The following CAMTA1 variants were observed in gnomAD, a reference collection of about 807,000 sequenced individuals.
CAMTA1 encodes calmodulin binding transcription activator 1, also known as calmodulin-binding transcription activator 1.
A neutral mutation model predicts 170.9 loss-of-function variants in CAMTA1; 27 were observed. The ratio of observed to expected loss-of-function variants is 0.16; its 90% CI spans 0.12 to 0.22. The LOEUF (loss-of-function observed/expected upper bound fraction) is 0.22, where lower values mean the gene tolerates loss of function less well. CAMTA1 is among the 10% of genes least tolerant of loss of function. The pLI is 1.00. For missense variants in CAMTA1, 1,619 were observed against 2,217.2 expected, an observed-to-expected ratio of 0.73 and a Z score of 5.42; for synonymous variants, 833 against 891.5, an observed-to-expected ratio of 0.93 and a Z score of 1.17.
chr1:7,533,630 C>T (rs1020839217), intron 6 of CAMTA1, among the ~76,000 whole-genome samples: 3 of 151,946 alleles, frequency 2.0e-5, no homozygotes, highest in Admixed American at 2.0e-4. Flanking sequence ...TAGAAAACGT[C>T]GGCCGGGCAC....
chr1:7,089,551 ATCCCATCCCATCCC>A (rs1641205837), intron 3 of CAMTA1, among the ~76,000 whole-genome samples: 1 of 129,994 alleles, frequency 7.7e-6, no homozygotes, highest in African/African-American at 2.7e-5. Flanking sequence ...ATCCCATCCC[ATCCCATCCCATCCC>A]ATCCCATCCC....
chr1:7,596,363 C>G (rs2095399792), intron 6 of CAMTA1, among the ~76,000 whole-genome samples: 1 of 152,264 alleles, frequency 6.6e-6, no homozygotes, highest in South Asian at 2.1e-4. Flanking sequence ...AACAAGGGAT[C>G]AGCTCAGAAG....
intron 6 of CAMTA1, among the ~76,000 whole-genome samples, chr1:7,504,205 G>C (rs140416662): frequency 6.6e-6 from 1 of 152,204 alleles, no homozygotes; most frequent in Non-Finnish European, 1.5e-5. Flanking sequence ...TCAGCCTCCC[G>C]GGTCCTGCCA....
chr1:7,605,038 G>A (rs1312130588), intron 6 of CAMTA1, among the ~76,000 whole-genome samples: 3 of 152,150 alleles, frequency 2.0e-5, no homozygotes, highest in Non-Finnish European at 4.4e-5. Flanking sequence ...CATTCCTCTG[G>A]AAGTTTTGTC....
At chr1:6,992,883 A>G (rs1024996210) in intron 3 of CAMTA1, among the ~76,000 whole-genome samples, 3 of 152,216 alleles carry the variant, frequency 2.0e-5, no homozygotes. Flanking sequence ...CAACCATGTC[A>G]CCATCTCAGA....
chr1:7,654,928 ACACACAAG>A (rs1226026935), intron 7 of CAMTA1, among the ~76,000 whole-genome samples: 2 of 147,596 alleles, frequency 1.4e-5, no homozygotes, highest in Non-Finnish European at 1.5e-5. Flanking sequence ...CCATCTATAC[ACACACAAG>A]CACACACCTA....
intron 3 of CAMTA1, among the ~76,000 whole-genome samples, chr1:6,984,573 C>A (rs987052459): frequency 6.6e-6 from 1 of 152,128 alleles, no homozygotes; most frequent in Non-Finnish European, 1.5e-5. Context: ...GAGATGGCGC[C>A]ACTGCACCCT....
chr1:7,299,974 G>T lies in CAMTA1; in HGVS notation c.438+50348G>T, dbSNP rs1166010403. Among the ~76,000 whole-genome samples the T allele has an allele frequency of 6.6e-6, 1 of 152,062 alleles. No homozygotes were observed. Among genetic ancestry groups the T allele is most frequent in the Non-Finnish European group, 1.5e-5 (1 of 68,030 alleles). ...TTGACTTCCTAGCAACCCTGACTGT[G>T]GTCTGATTCCTTTAAGATCCAGAAC... On this transcript the variant is annotated intron_variant, in intron 5 of 22. Coordinates refer to ENST00000303635, the MANE Select transcript of CAMTA1 (RefSeq NM_015215.4). This position sits in a 1 kb window ranked among gnomAD's most constrained non-coding sequence, Gnocchi z 4.7.
intron 6 of CAMTA1, among the ~76,000 whole-genome samples, chr1:7,613,813 A>G (rs2095540284): frequency 6.8e-6 from 1 of 147,022 alleles, no homozygotes; most frequent in African/African-American, 2.5e-5. Flanking sequence ...TATTGGGGCA[A>G]GCTGGACCCA....
intron 1 of CAMTA1, among the ~76,000 whole-genome samples, chr1:6,804,318 T>C (rs925687125): frequency 4.6e-5 from 7 of 151,736 alleles, no homozygotes; most frequent in African/African-American, 1.7e-4. Context: ...GTGCCCAGCC[T>C]GATTTGTTTT....
chr1:6,930,346 G>A (rs901993813), intron 3 of CAMTA1, among the ~76,000 whole-genome samples: 1 of 152,164 alleles, frequency 6.6e-6, no homozygotes, highest in Admixed American at 6.5e-5. Flanking sequence ...TTGGCTGGTG[G>A]CGACTTTGAG....
intron 4 of CAMTA1, among the ~76,000 whole-genome samples, chr1:7,213,679 A>C (rs1288637470): frequency 6.6e-6 from 1 of 151,780 alleles, no homozygotes; most frequent in Admixed American, 6.6e-5. Context: ...ACATATGTAT[A>C]CATGTGCCAT....
chr1:7,694,574 T>G (rs1230873387), intron 11 of CAMTA1: 4 of 152,958 alleles, frequency 2.6e-5, no homozygotes, highest in Admixed American at 1.3e-4. Flanking sequence ...GTCTCTGTCC[T>G]GCAGACGGCA....
chr1:7,085,722 G>A (rs1274140335), intron 3 of CAMTA1, among the ~76,000 whole-genome samples: 1 of 152,244 alleles, frequency 6.6e-6, no homozygotes, highest in Non-Finnish European at 1.5e-5. Flanking sequence ...ATGCTCACCT[G>A]CCAGCCCCCA....
At chr1:7,558,900 A>G (rs962939608) in intron 6 of CAMTA1, among the ~76,000 whole-genome samples, 3 of 152,230 alleles carry the variant, frequency 2.0e-5, no homozygotes, top group African/African-American at 7.2e-5. Context: ...TAAGAAAAAG[A>G]CCCATAATCC....
At chr1:7,276,303 A>ATATATATATATATAATTTTTTTTTTTT in intron 5 of CAMTA1, among the ~76,000 whole-genome samples, 1 of 24,228 alleles carries the variant, frequency 4.1e-5, no homozygotes, top group African/African-American at 3.0e-4. Context: ...ATATATATAT[A>ATATATATATATATAATTTTTTTTTTTT]TTTTTTTTTT....
intron 6 of CAMTA1, among the ~76,000 whole-genome samples, chr1:7,540,324 G>A (rs921867245): frequency 1.3e-5 from 2 of 152,176 alleles, no homozygotes; most frequent in African/African-American, 4.8e-5. Context: ...ACTGGAGTAC[G>A]GGCAGGGTTT....
At chr1:7,339,981 C>G (rs1211386868) in intron 5 of CAMTA1, among the ~76,000 whole-genome samples, 5 of 152,112 alleles carry the variant, frequency 3.3e-5, no homozygotes, top group Non-Finnish European at 7.4e-5. Flanking sequence ...AGAACCTGAC[C>G]CAGGGTCCCA....
chr1:7,372,017 T>G (rs540595613), intron 5 of CAMTA1, among the ~76,000 whole-genome samples: 1 of 152,318 alleles, frequency 6.6e-6, no homozygotes, highest in African/African-American at 2.4e-5. Context: ...GGGCTGAGCG[T>G]GCACCTCTCT....
Sources: gnomAD v4.1 joint callset for allele counts (sites outside exome capture counted in the v4.1 genomes callset) on GRCh38, gnomAD v4.1.1 for gene constraint, Gnocchi (gnomAD v3.1) non-coding constraint, MANE v1.5 for transcripts, NCBI Gene and HGNC (gene_info 2026-07-23, HGNC 2026-07-21) for gene names.